Variants in PITPNM3 observed in about 807,000 individuals in gnomAD.
The protein encoded by PITPNM3 is membrane-associated phosphatidylinositol transfer protein 3.
A neutral mutation model predicts 102.0 loss-of-function variants in PITPNM3; 26 were observed. The ratio of observed to expected loss-of-function variants is 0.25; its 90% confidence interval spans 0.19 to 0.35. PITPNM3 has a LOEUF of 0.35. Ranked by LOEUF, PITPNM3 falls within the 10% of genes least tolerant of loss-of-function variation. The pLI, the probability that PITPNM3 is intolerant of heterozygous loss-of-function variation, is 1.00. For missense variants in PITPNM3, 1,083 were observed against 1,346.1 expected (o/e 0.80, Z 3.06); for synonymous variants, 578 against 558.6 (o/e 1.03, Z -0.49).
At chr17:6,473,191 G>C in intron 10 of PITPNM3, 1 of 344,604 alleles carries the variant, frequency 2.9e-6, no homozygotes, top group South Asian at 2.5e-5. Flanking sequence ...ACCTGACCTA[G>C]GAAGCCAACC....
chr17:6,500,980 A>G (rs972287745), intron 4 of PITPNM3, among the ~76,000 whole-genome samples: 1 of 152,180 alleles, frequency 6.6e-6, no homozygotes, highest in Admixed American at 6.5e-5. Flanking sequence ...CCAGCCCAAT[A>G]AGAACATTCT....
chr17:6,467,774 A>G (rs1904861705), intron 14 of PITPNM3, among the ~76,000 whole-genome samples: 1 of 152,254 alleles, frequency 6.6e-6, no homozygotes, highest in Non-Finnish European at 1.5e-5. Context: ...TACCCCACAG[A>G]GGAGCCTCTT....
chr17:6,555,028 C>A (rs1023661472), intron 1 of PITPNM3, among the ~76,000 whole-genome samples: 2 of 152,224 alleles, frequency 1.3e-5, no homozygotes, highest in African/African-American at 4.8e-5. Flanking sequence ...CGCCCTGCCA[C>A]AGGCCATTTT....
chr17:6,489,195 C>T (rs1906278952), intron 4 of PITPNM3, among the ~76,000 whole-genome samples: 2 of 152,226 alleles, frequency 1.3e-5, no homozygotes, highest in Admixed American at 6.5e-5. Context: ...AGCATCACCC[C>T]AGCTCGGCTG....
At chr17:6,552,705 C>A (rs1910376536) in intron 1 of PITPNM3, among the ~76,000 whole-genome samples, 1 of 152,074 alleles carries the variant, frequency 6.6e-6, no homozygotes, top group African/African-American at 2.4e-5. Context: ...ATCCTCCTAG[C>A]CTTTGTTCAA....
chr17:6,456,759 G>C (rs1305692690), intron 19 of PITPNM3, among the ~76,000 whole-genome samples: 1 of 152,084 alleles, frequency 6.6e-6, no homozygotes, highest in Non-Finnish European at 1.5e-5. Flanking sequence ...CCTTCCACCT[G>C]CTGCGCGATT....
intron 1 of PITPNM3, among the ~76,000 whole-genome samples, chr17:6,551,981 G>C: frequency 6.6e-6 from 1 of 152,110 alleles, no homozygotes; most frequent in East Asian, 1.9e-4. Flanking sequence ...CTGTGACGTT[G>C]GCCAAATACC....
chr17:6,538,347 T>C (rs1000589554), intron 1 of PITPNM3, among the ~76,000 whole-genome samples: 1 of 152,212 alleles, frequency 6.6e-6, no homozygotes, highest in Non-Finnish European at 1.5e-5. Context: ...GTTATGAGCC[T>C]TTGCCAAGGT....
intron 3 of PITPNM3, among the ~76,000 whole-genome samples, chr17:6,508,453 C>T (rs1354800609): frequency 2.6e-5 from 4 of 152,214 alleles, no homozygotes; most frequent in African/African-American, 7.2e-5. Flanking sequence ...GGGCTCTTCC[C>T]ACAATTTCAC....
At chr17:6,487,520 G>T (rs1906167843) in intron 4 of PITPNM3, among the ~76,000 whole-genome samples, 1 of 152,168 alleles carries the variant, frequency 6.6e-6, no homozygotes, top group African/African-American at 2.4e-5. Flanking sequence ...GCCCTGGCAT[G>T]CTCCTCGGCC....
chr17:6,545,068 C>T (rs1909951156), intron 1 of PITPNM3, among the ~76,000 whole-genome samples: 1 of 152,156 alleles, frequency 6.6e-6, no homozygotes, highest in Non-Finnish European at 1.5e-5. Context: ...CCATCCCGCT[C>T]CCACCTGACT....
chr17:6,477,655 C>T (rs941154428), intron 8 of PITPNM3, among the ~76,000 whole-genome samples: 3 of 152,172 alleles, frequency 2.0e-5, no homozygotes, highest in South Asian at 2.1e-4. Flanking sequence ...AAGTGATTCT[C>T]GTGCCTCAGC....
chr17:6,464,779 G>A lies in PITPNM3; in HGVS notation c.1891-8C>T, dbSNP rs1490865257. The A allele has an allele frequency of 6.2e-7, 1 of 1,613,828 alleles. No homozygotes were observed. Among genetic ancestry groups the A allele is most frequent in the African/African-American group, 1.3e-5 (1 of 74,928 alleles). The stretch of plus-strand genomic sequence containing the variant: ...GTGATTAGCCGTGACATTCTGGAAG[G>A]ACAGAAAGAAGCTGGCTCAGCCCTT... On this transcript the variant is annotated splice_region_variant and splice_polypyrimidine_tract_variant and intron_variant, in intron 14 of 19. Coordinates refer to ENST00000262483, the MANE Select transcript of PITPNM3 (RefSeq NM_031220.4).
chr17:6,473,882 C>T (rs997622154), intron 10 of PITPNM3, among the ~76,000 whole-genome samples: 1 of 148,428 alleles, frequency 6.7e-6, no homozygotes, highest in Non-Finnish European at 1.5e-5. Flanking sequence ...GAGGCTGAGG[C>T]AGGAAAATTG....
intron 2 of PITPNM3, among the ~76,000 whole-genome samples, chr17:6,527,184 G>A (rs921759955): frequency 6.6e-6 from 1 of 152,172 alleles, no homozygotes; most frequent in African/African-American, 2.4e-5. Flanking sequence ...TTGAAAATAC[G>A]ACGCAAGTCA....
intron 1 of PITPNM3, among the ~76,000 whole-genome samples, chr17:6,548,162 A>G (rs1222098050): frequency 6.6e-6 from 1 of 152,142 alleles, no homozygotes; most frequent in Non-Finnish European, 1.5e-5. Flanking sequence ...GCAAGAGCCA[A>G]TGTGACCCCC....
intron 2 of PITPNM3, among the ~76,000 whole-genome samples, chr17:6,535,005 T>C (rs1909337353): frequency 2.0e-5 from 3 of 152,038 alleles, no homozygotes; most frequent in Non-Finnish European, 4.4e-5. Flanking sequence ...ACTGTTGAAA[T>C]AGACATCCAT....
At chr17:6,540,939 G>A (rs1267080983) in intron 1 of PITPNM3, among the ~76,000 whole-genome samples, 4 of 152,208 alleles carry the variant, frequency 2.6e-5, no homozygotes, top group Admixed American at 6.5e-5. Context: ...GATTACAGGC[G>A]TGAGCCACTG....
Position 6,470,272 on chromosome 17 carries a change from G to T in PITPNM3, c.1761C>A (p.Phe587Leu). The change falls in exon 13 of 20, where the codon TTC (phenylalanine) becomes TTA (leucine). Residue 587 changes from phenylalanine (F) to leucine (L), a missense_variant. Phe to Leu is a conservative substitution (Grantham distance 22). This residue lies in a region of PITPNM3 where 410 missense variants were observed against 638.4 expected (regional missense o/e 0.64). Coordinates refer to ENST00000262483, the MANE Select transcript of PITPNM3 (RefSeq NM_031220.4). This position sits in a 1 kb window ranked among gnomAD's most constrained non-coding sequence, Gnocchi z 4.8. The stretch of plus-strand genomic sequence containing the variant: ...GCGGCAGCAGTACCTGTCTCAGGAT[G>T]AAGGCCACCACGTCTGTGGACTCCC... The part of the protein sequence containing the change: ...SYWESTDVVA[F>L]ILRQVMRYES... 6.2e-7 allele frequency: 1 copy of T among 1,609,250 alleles called. No homozygotes were observed.
Sources: gnomAD v4.1 joint callset for allele counts (sites outside exome capture counted in the v4.1 genomes callset) on GRCh38, gnomAD v4.1.1 for gene constraint, gnomAD v4.1.1 regional missense constraint, Gnocchi (gnomAD v3.1) non-coding constraint, MANE v1.5 for transcripts, NCBI Gene and HGNC (gene_info 2026-07-23, HGNC 2026-07-21) for gene names.